Variants in KMT2E observed in about 807,000 individuals in gnomAD.
KMT2E encodes the protein lysine methyltransferase 2E (inactive), also known as histone reader KMT2E.
A neutral mutation model predicts 184.6 loss-of-function variants in KMT2E; 30 were observed. The observed-to-expected ratio is 0.16, with a 90% confidence interval of 0.12 to 0.22. KMT2E has a LOEUF of 0.22. Ranked by LOEUF, KMT2E falls within the 10% of genes least tolerant of loss-of-function variation. The pLI, the probability that KMT2E is intolerant of heterozygous loss-of-function variation, is 1.00. For synonymous variants in KMT2E, 815 were observed against 776.5 expected, an observed-to-expected ratio of 1.05 and a Z score of -0.82; for missense variants, 2,023 against 2,237.4, an observed-to-expected ratio of 0.90 and a Z score of 1.93.
chr7:105,029,376 A>T (rs936509717), intron 1 of KMT2E, among the ~76,000 whole-genome samples: 10 of 152,256 alleles, frequency 6.6e-5, no homozygotes, highest in African/African-American at 2.4e-4. Flanking sequence ...TATATGTTCA[A>T]TAAATATGTT....
chr7:105,095,688 A>C (rs1798378208), intron 15 of KMT2E, among the ~76,000 whole-genome samples: 1 of 152,116 alleles, frequency 6.6e-6, no homozygotes, highest in Non-Finnish European at 1.5e-5. Flanking sequence ...ATTTGTGGCT[A>C]AGTTATGTGG....
chr7:105,048,021 G>A (rs972378983), intron 3 of KMT2E, among the ~76,000 whole-genome samples: 4 of 152,114 alleles, frequency 2.6e-5, no homozygotes, highest in Admixed American at 1.3e-4. Flanking sequence ...AGACAATTGT[G>A]TGAAATCCTT....
At position 105,090,135 on chromosome 7, in the gene KMT2E, C is replaced by G. The variant is rs757087934; in HGVS notation, c.1485C>G (p.Asp495Glu). The G allele has an allele frequency of 9.3e-6, 15 of 1,612,784 alleles. No individual in the cohort carries two copies. The Admixed American group carries it at 1.0e-4, about 11-fold the overall frequency. The change falls in exon 14 of 27, where the codon GAC becomes GAG. Residue 495 changes from aspartate (D) to glutamate (E), a missense_variant. Transcript: ENST00000311117. ...YETRRKKGKK[D>E]KDISKEKDTQ... ...CCAGACGGAAAAAAGGAAAAAAAGA[C>G]AAAGATATTTCAAAAGAAAAAGATA...
chr7:105,032,914 G>T (rs1295065156), intron 1 of KMT2E, among the ~76,000 whole-genome samples: 3 of 152,216 alleles, frequency 2.0e-5, no homozygotes, highest in Non-Finnish European at 2.9e-5. Flanking sequence ...GAATATACCA[G>T]TGAAACAAGT....
At chr7:105,031,155 G>A (rs1446757089) in intron 1 of KMT2E, among the ~76,000 whole-genome samples, 2 of 151,572 alleles carry the variant, frequency 1.3e-5, no homozygotes, top group East Asian at 1.9e-4. Flanking sequence ...TCAGGAGATC[G>A]AAAACAGCCT....
intron 3 of KMT2E, among the ~76,000 whole-genome samples, chr7:105,059,997 T>G (rs1796744377): frequency 8.3e-6 from 1 of 120,438 alleles, no homozygotes; most frequent in African/African-American, 3.0e-5. Context: ...TTTTTTTTTT[T>G]TTTTTTTTTT....
intron 17 of KMT2E, chr7:105,103,458 G>T (rs1485332539): frequency 1.3e-5 from 2 of 152,030 alleles, no homozygotes; most frequent in Non-Finnish European, 2.9e-5. Flanking sequence ...GTATGTTATT[G>T]AACTTTTAAT....
intron 1 of KMT2E, among the ~76,000 whole-genome samples, chr7:105,030,268 G>A (rs1222569359): frequency 1.3e-5 from 2 of 152,160 alleles, no homozygotes; most frequent in Admixed American, 6.5e-5. Flanking sequence ...CCCTTAGGAG[G>A]TTGATTTGCC....
At chr7:105,100,808 G>C (rs1348318106) in intron 15 of KMT2E, among the ~76,000 whole-genome samples, 2 of 152,138 alleles carry the variant, frequency 1.3e-5, no homozygotes, top group African/African-American at 2.4e-5. Flanking sequence ...TAACAACTCA[G>C]AGAAGTTCAT....
intron 15 of KMT2E, among the ~76,000 whole-genome samples, chr7:105,099,330 T>C (rs1379656233): frequency 6.6e-6 from 1 of 152,134 alleles, no homozygotes; most frequent in Non-Finnish European, 1.5e-5. Flanking sequence ...GCATAGTAAT[T>C]ATGGCTCTGC....
Position 105,113,364 on chromosome 7 carries a change from T to A in KMT2E, c.*31T>A. Reference sequence around the variant, plus strand: ...ACTCCAAAAACATTTTTTTAAATGTTCTGTAAGATAAACTGTATATTTCAT... The same window carrying A: ...ACTCCAAAAACATTTTTTTAAATGTACTGTAAGATAAACTGTATATTTCAT... On this transcript the variant is annotated 3_prime_UTR_variant, in exon 27 of 27. Coordinates refer to ENST00000311117, the MANE Select transcript of KMT2E (RefSeq NM_182931.3). 7 of 1,582,760 alleles carry A rather than the reference T, an allele frequency of 4.4e-6. No individual in the cohort carries two copies. The highest frequency in any genetic ancestry group is 4.3e-6 in the Non-Finnish European group (5 of 1,159,988).
intron 7 of KMT2E, among the ~76,000 whole-genome samples, chr7:105,074,019 G>C (rs1797434617): frequency 6.6e-6 from 1 of 152,094 alleles, no homozygotes; most frequent in South Asian, 2.1e-4. Context: ...TTATCATGTA[G>C]AATAGTACAT....
intron 17 of KMT2E, chr7:105,103,432 G>A (rs1012868851): frequency 6.6e-6 from 1 of 152,144 alleles, no homozygotes; most frequent in African/African-American, 2.4e-5. Flanking sequence ...GCCAGATACT[G>A]TTCTAAGAGC....
intron 3 of KMT2E, among the ~76,000 whole-genome samples, chr7:105,052,072 C>A (rs1215573371): frequency 1.3e-5 from 2 of 152,166 alleles, no homozygotes; most frequent in African/African-American, 4.8e-5. Context: ...TCATACAATT[C>A]TCCCACTTAA....
chr7:105,100,459 G>A (rs954303525), intron 15 of KMT2E, among the ~76,000 whole-genome samples: 1 of 152,168 alleles, frequency 6.6e-6, no homozygotes, highest in Non-Finnish European at 1.5e-5. Flanking sequence ...AAATGGATCT[G>A]AGCCTCAGGA....
intron 15 of KMT2E, among the ~76,000 whole-genome samples, chr7:105,097,239 T>C (rs1798446511): frequency 6.6e-6 from 1 of 152,236 alleles, no homozygotes; most frequent in South Asian, 2.1e-4. Flanking sequence ...GGATTTGAGA[T>C]GTTATCCAAC....
At chr7:105,105,347 G>A in intron 17 of KMT2E, 92 bp from the exon 18 acceptor site, 3 of 910,416 alleles carry the variant, frequency 3.3e-6, no homozygotes, top group Middle Eastern at 3.1e-4. Context: ...TATCATTTTA[G>A]ATAATACACC....
chr7:105,079,006 G>C lies in KMT2E; in HGVS notation c.1248+43G>C, dbSNP rs1039518817. On this transcript the variant is annotated intron_variant, in intron 12 of 26. Coordinates refer to ENST00000311117, the MANE Select transcript of KMT2E (RefSeq NM_182931.3). ...TTTTGGGGAGATGTGGGTGCTGGGG[G>C]TGTGTTGGAATCTGAGCAATAAGCA... The C allele has an allele frequency of 4.7e-6, 5 of 1,053,304 alleles. No individual in the cohort carries two copies. In the South Asian group the frequency reaches 6.3e-5, roughly 13 times the overall value. 65.2% of individuals were successfully genotyped at this position (1,053,304 alleles called of 1,614,324 possible). A position where few individuals can be genotyped will look rare whatever the true frequency, so the allele number is the denominator to read the frequency against.
intron 5 of KMT2E, chr7:105,064,164 GTTTTTTTTTTTTTTTT>G (rs66946883): frequency 1.4e-4 from 11 of 76,154 alleles, no homozygotes; most frequent in African/African-American, 4.5e-4. Context: ...TTTTTTCTTG[GTTTTTTTTTTTTTTTT>G]TTTTTTTTTT....
Sources: gnomAD v4.1 joint callset for allele counts (sites outside exome capture counted in the v4.1 genomes callset) on GRCh38, gnomAD v4.1.1 for gene constraint, MANE v1.5 for transcripts, NCBI Gene and HGNC (gene_info 2026-07-23, HGNC 2026-07-21) for gene names.